The following ESYT2 variants were observed in gnomAD, a reference collection of about 807,000 sequenced individuals.
ESYT2 encodes extended synaptotagmin 2.
In ESYT2, 54 loss-of-function variants were observed where a neutral mutation model predicts 107.2. The ratio of observed to expected loss-of-function variants is 0.50; its 90% confidence interval spans 0.40 to 0.63. The LOEUF is 0.63. Among genes scored for constraint, ESYT2 ranks in the 30% least tolerant of loss-of-function variants. ESYT2 has a pLI of 0.00. For missense variants in ESYT2, 1,020 were observed against 1,094.5 expected (o/e 0.93, Z 0.96); for synonymous variants, 491 against 434.1 (o/e 1.13, Z -1.63).
chr7:158,818,253 A>G (rs1046328312), intron 1 of ESYT2, among the ~76,000 whole-genome samples: 19 of 152,220 alleles, frequency 1.2e-4, no homozygotes, highest in African/African-American at 4.6e-4. Context: ...TGGAGTCAAG[A>G]AAGATTAGCC....
rs776345904 is a variant in ESYT2, at chr7:158,743,521, C to T, written c.1794+8G>A. 1.2e-6 allele frequency: 2 copies of T among 1,607,508 alleles called. No individual in the cohort carries two copies. The highest frequency in any genetic ancestry group is 1.7e-6 in the Non-Finnish European group (2 of 1,177,968). On this transcript the variant is annotated splice_region_variant and intron_variant, in intron 17 of 22. Coordinates refer to ENST00000275418, the MANE Select transcript of ESYT2 (RefSeq NM_001367773.1). Reference sequence around the variant, plus strand: ...CCCTATGGTGTTCACTGCAGGACGACACGATACCCGCAGGGCAATCTTCAT... The same window carrying T: ...CCCTATGGTGTTCACTGCAGGACGATACGATACCCGCAGGGCAATCTTCAT...
intron 9 of ESYT2, among the ~76,000 whole-genome samples, chr7:158,764,124 C>T (rs543954575): frequency 1.3e-5 from 2 of 152,232 alleles, no homozygotes; most frequent in South Asian, 4.1e-4. Context: ...CTTTAAAGAG[C>T]TTTATCTGGG....
Position 158,761,544 on chromosome 7 carries a change from A to G in ESYT2, c.1185T>C (p.Ser395=), listed in dbSNP as rs755905728. ...EDPDKDDFLG[S]LMIDLIEVEK... ...CAACTTCAATGAGGTCAATCATAAGACTATAAAAATAACAATACGACAACT... is the reference window on the plus strand; with the variant it reads ...CAACTTCAATGAGGTCAATCATAAGGCTATAAAAATAACAATACGACAACT... The change falls in exon 11 of 23, where the codon AGT becomes AGC. Residue 395 remains serine, a splice_region_variant and synonymous_variant. Transcript: ENST00000275418. The G allele has an allele frequency of 6.8e-6, 11 of 1,613,310 alleles. No individual in the cohort carries two copies. The Admixed American group carries it at 1.5e-4, about 22-fold the overall frequency.
intron 21 of ESYT2, 38 bp from the exon 22 acceptor site, chr7:158,734,509 C>T (rs1333139362): frequency 2.5e-6 from 4 of 1,583,274 alleles, no homozygotes; most frequent in Non-Finnish European, 3.4e-6. Flanking sequence ...GTAGGCTGGG[C>T]TGGGGGCACT....
chr7:158,749,118 G>T, intron 15 of ESYT2, among the ~76,000 whole-genome samples: 1 of 151,774 alleles, frequency 6.6e-6, no homozygotes, highest in Non-Finnish European at 1.5e-5. Context: ...TTTTTGTTTT[G>T]TTTTTTGAGA....
At chr7:158,798,978 A>C in intron 2 of ESYT2, 53 bp downstream of exon 2, 1 of 1,532,246 alleles carries the variant, frequency 6.5e-7, no homozygotes, top group Non-Finnish European at 9.0e-7. Context: ...GAAAGATGGT[A>C]TCTCATCCTC....
chr7:158,760,062 T>C lies in ESYT2; in HGVS notation c.1319A>G (p.Asp440Gly), dbSNP rs1312413052. The change falls in exon 12 of 23, where the codon GAC becomes GGC. Residue 440 changes from aspartate to glycine, a missense_variant. Transcript: ENST00000275418. ...LTLMPNASNL[D>G]KVLTDIKADK... The stretch of plus-strand genomic sequence containing the variant: ...GAGCACATGCTTCAACAGCACCTTG[T>C]CGAGGTTTGACGCATTTGGCATTAA... 6.2e-7 allele frequency: 1 copy of C among 1,614,068 alleles called. No homozygotes were observed. The highest frequency in any genetic ancestry group is 1.3e-5 in the African/African-American group (1 of 74,930).
chr7:158,781,154 AGT>A (rs1178394040), intron 6 of ESYT2, among the ~76,000 whole-genome samples: 1 of 152,180 alleles, frequency 6.6e-6, no homozygotes, highest in Non-Finnish European at 1.5e-5. Flanking sequence ...ATGTGAGAAC[AGT>A]GTGAGGTGTG....
intron 1 of ESYT2, among the ~76,000 whole-genome samples, chr7:158,819,606 C>T (rs754206495): frequency 6.6e-5 from 10 of 152,318 alleles, no homozygotes; most frequent in South Asian, 2.1e-4. Flanking sequence ...ACAAAATCCA[C>T]GGAAATGTTG....
rs747470556 is a variant in ESYT2 at position 158,767,608 on chromosome 7, T to C, written c.924+46A>G. 4 of 1,586,350 alleles carry C rather than the reference T, an allele frequency of 2.5e-6. No homozygotes were observed. The African/African-American group carries it at 5.4e-5, about 21-fold the overall frequency. On this transcript the variant is annotated intron_variant, in intron 8 of 22. Transcript: ENST00000275418. ...AATGCCACACCCGCAGGCAGGCAGG[T>C]CTCCAAGATGTTTTTAAATGTGAAT...
At chr7:158,779,670 C>G (rs993626700) in intron 6 of ESYT2, among the ~76,000 whole-genome samples, 2 of 152,176 alleles carry the variant, frequency 1.3e-5, no homozygotes, top group Admixed American at 6.5e-5. Flanking sequence ...GACGGTGCTG[C>G]GGCCCCTTCT....
At chr7:158,827,531 CA>C (rs1840492157) in intron 1 of ESYT2, 2 of 152,294 alleles carry the variant, frequency 1.3e-5, no homozygotes, top group Admixed American at 1.3e-4. Flanking sequence ...AAAGCTGCAC[CA>C]TGCCAGTTAC....
intron 17 of ESYT2, 71 bp from the exon 18 acceptor site, chr7:158,741,967 G>T: frequency 6.8e-7 from 1 of 1,462,164 alleles, no homozygotes. Flanking sequence ...GAACAGCCTG[G>T]GATGTCTTTA....
intron 19 of ESYT2, among the ~76,000 whole-genome samples, chr7:158,738,513 G>A (rs1347564790): frequency 1.3e-5 from 2 of 151,978 alleles, no homozygotes; most frequent in Non-Finnish European, 2.9e-5. Context: ...GGAGTGCAAT[G>A]GCACGATCTT....
chr7:158,818,337 G>C (rs1840201647), intron 1 of ESYT2, among the ~76,000 whole-genome samples: 1 of 152,212 alleles, frequency 6.6e-6, no homozygotes, highest in African/African-American at 2.4e-5. Context: ...TGCCACTGTA[G>C]GCTCCTTGGA....
chr7:158,768,138 A>G (rs1397454435), intron 7 of ESYT2, among the ~76,000 whole-genome samples: 3 of 152,204 alleles, frequency 2.0e-5, no homozygotes, highest in African/African-American at 7.2e-5. Flanking sequence ...CAGATTTTAT[A>G]CTTATTTACT....
Position 158,806,615 on chromosome 7 carries a change from T to C in ESYT2, c.331-7543A>G, listed in dbSNP as rs145270176. Among the ~76,000 whole-genome samples, 120 of 152,336 alleles carry C rather than the reference T, an allele frequency of 7.9e-4. 3 individuals carry two copies. The East Asian group carries it at 0.019, about 24-fold the overall frequency. ...ACTTATTTACATATAAACACGTCCG[T>C]GAAGAATATTTTTCAAAGATTTGAA... On this transcript the variant is annotated intron_variant, in intron 1 of 22. Coordinates refer to ENST00000275418, the MANE Select transcript of ESYT2 (RefSeq NM_001367773.1).
chr7:158,735,701 A>C, intron 20 of ESYT2, 93 bp from the exon 21 acceptor site: 1 of 1,032,942 alleles, frequency 9.7e-7, no homozygotes, highest in South Asian at 1.4e-5. Flanking sequence ...GATCATTCCA[A>C]ATGTCATGTT....
chr7:158,775,522 C>T (rs1043154280), intron 6 of ESYT2, among the ~76,000 whole-genome samples: 2 of 152,328 alleles, frequency 1.3e-5, no homozygotes, highest in East Asian at 3.9e-4. Context: ...TTTGCAGCAT[C>T]TTCACTAGGA....
Sources: gnomAD v4.1 joint callset for allele counts (sites outside exome capture counted in the v4.1 genomes callset) on GRCh38, gnomAD v4.1.1 for gene constraint, MANE v1.5 for transcripts, NCBI Gene and HGNC (gene_info 2026-07-23, HGNC 2026-07-21) for gene names.